MYOM2: variants seen among roughly 807,000 people sequenced by gnomAD.
The protein encoded by MYOM2 is myomesin-2.
Under a neutral mutation model 187.6 loss-of-function variants are expected in MYOM2, and 254 were observed. The observed-to-expected ratio is 1.35, with a 90% CI of 1.22 to 1.50. The LOEUF (loss-of-function observed/expected upper bound fraction) is 1.50, where lower values mean the gene tolerates loss of function less well. MYOM2 is among the 40% of genes most tolerant of loss of function. The pLI is 0.00. For missense variants in MYOM2, 2,796 were observed against 1,924.0 expected, an observed-to-expected ratio of 1.45 and a Z score of -8.48; for synonymous variants, 981 against 753.8, an observed-to-expected ratio of 1.30 and a Z score of -4.94.
chr8:2,071,504 C>T (rs998082818), intron 8 of MYOM2, among the ~76,000 whole-genome samples: 21 of 152,190 alleles, frequency 1.4e-4, no homozygotes, highest in African/African-American at 5.1e-4. Context: ...CAAATACCAC[C>T]GTTTGTTTTG....
Position 2,106,617 on chromosome 8 carries a change from A to C in MYOM2, c.2998+20A>C. On this transcript the variant is annotated intron_variant, in intron 23 of 36. Coordinates refer to ENST00000262113, the MANE Select transcript of MYOM2 (RefSeq NM_003970.4). ...CAGAAGGTAATATTTATATGGCAGAACCTTGCCTGTTTTGGTTTTATCACA... is the reference window on the plus strand; with the variant it reads ...CAGAAGGTAATATTTATATGGCAGACCCTTGCCTGTTTTGGTTTTATCACA... The C allele has an allele frequency of 6.5e-7, 1 of 1,541,520 alleles. No individual in the cohort carries two copies. The highest frequency in any genetic ancestry group is 8.9e-7 in the Non-Finnish European group (1 of 1,127,082).
chr8:2,101,075 G>A, intron 20 of MYOM2, 21 bp downstream of exon 20: 1 of 1,612,352 alleles, frequency 6.2e-7, no homozygotes, highest in Non-Finnish European at 8.5e-7. Flanking sequence ...GCCGGCTGTG[G>A]TGGCTCATGC....
At chr8:2,140,969 T>C (rs1798254757) in intron 33 of MYOM2, 83 bp downstream of exon 33, 21 of 1,402,392 alleles carry the variant, frequency 1.5e-5, no homozygotes, top group Middle Eastern at 4.4e-4. Flanking sequence ...ACAATATGAA[T>C]ACAAGAGACA....
intron 15 of MYOM2, among the ~76,000 whole-genome samples, 166 bp from the exon 16 acceptor site, chr8:2,092,180 G>A (rs895865894): frequency 8.6e-5 from 13 of 151,884 alleles, no homozygotes; most frequent in Non-Finnish European, 1.9e-4. Context: ...TGGCCCTCGG[G>A]TGGTCGGCCC....
intron 31 of MYOM2, among the ~76,000 whole-genome samples, chr8:2,127,550 G>A (rs1353020227): frequency 6.6e-6 from 1 of 152,256 alleles, no homozygotes; most frequent in Admixed American, 6.5e-5. Flanking sequence ...CGGGGTTTAG[G>A]GAGGTGTGGA....
At chr8:2,092,933 G>C (rs562091332) in intron 16 of MYOM2, among the ~76,000 whole-genome samples, 29 of 152,246 alleles carry the variant, frequency 1.9e-4, no homozygotes, top group Admixed American at 5.2e-4. Context: ...ACCTGATGGA[G>C]ACCCCACCGG....
At chr8:2,142,600 C>T (rs1188471209) in intron 35 of MYOM2, among the ~76,000 whole-genome samples, 1 of 152,042 alleles carries the variant, frequency 6.6e-6, no homozygotes, top group South Asian at 2.1e-4. Flanking sequence ...GGCCTTAGCC[C>T]CGTCACCCCT....
At chr8:2,054,041 T>C (rs1818577820) in intron 3 of MYOM2, among the ~76,000 whole-genome samples, 1 of 152,218 alleles carries the variant, frequency 6.6e-6, no homozygotes, top group South Asian at 2.1e-4. Context: ...GTGAGCCCCG[T>C]GCTGAGTGAT....
At chr8:2,078,987 G>T in intron 12 of MYOM2, 54 bp downstream of exon 12, 1 of 1,566,208 alleles carries the variant, frequency 6.4e-7, no homozygotes, top group Non-Finnish European at 8.8e-7. Flanking sequence ...TGGCTGTTTT[G>T]TGTGTGATTT....
At chr8:2,093,468 G>A (rs970883542) in intron 16 of MYOM2, among the ~76,000 whole-genome samples, 4 of 152,122 alleles carry the variant, frequency 2.6e-5, no homozygotes, top group African/African-American at 7.2e-5. Context: ...GCTGTGGGGT[G>A]GGAATTATCA....
intron 25 of MYOM2, among the ~76,000 whole-genome samples, chr8:2,109,944 C>T (rs550683929): frequency 9.4e-4 from 143 of 152,258 alleles, no homozygotes; most frequent in African/African-American, 3.3e-3. Context: ...GGAAGGCATC[C>T]GTGGGGAATA....
intron 23 of MYOM2, 35 bp from the exon 24 acceptor site, chr8:2,108,751 T>C: frequency 6.2e-7 from 1 of 1,612,168 alleles, no homozygotes; most frequent in South Asian, 1.1e-5. Context: ...TAGGTGCAGG[T>C]CCAGATGAAT....
intron 3 of MYOM2, 84 bp downstream of exon 3, chr8:2,052,397 C>G: frequency 7.1e-7 from 1 of 1,401,868 alleles, no homozygotes; most frequent in Non-Finnish European, 9.4e-7. Flanking sequence ...GGAAGAGCGA[C>G]CTTAGCTGAG....
intron 23 of MYOM2, among the ~76,000 whole-genome samples, chr8:2,108,288 C>CT (rs35483575): frequency 9.8e-4 from 141 of 144,096 alleles, no homozygotes; most frequent in East Asian, 2.4e-3. Flanking sequence ...TTCTTCTTTC[C>CT]TTTTTTTTTT....
At chr8:2,070,357 G>A (rs1237117511) in intron 8 of MYOM2, among the ~76,000 whole-genome samples, 1 of 152,246 alleles carries the variant, frequency 6.6e-6, no homozygotes, top group Non-Finnish European at 1.5e-5. Flanking sequence ...CCTCCTGGCA[G>A]CTGCTGGCCG....
intron 2 of MYOM2, among the ~76,000 whole-genome samples, chr8:2,051,848 G>C (rs73184802): frequency 0.035 from 5,278 of 152,250 alleles, 150 homozygotes; most frequent in Middle Eastern, 0.078. Flanking sequence ...GTGTAGGTTT[G>C]TTTATGTGTG....
At chr8:2,108,973 T>C in intron 24 of MYOM2, 143 bp downstream of exon 24, 1 of 793,076 alleles carries the variant, frequency 1.3e-6, no homozygotes, top group Non-Finnish European at 2.0e-6. Flanking sequence ...TTGAAACCTA[T>C]TGATTTAAAA....
intron 6 of MYOM2, among the ~76,000 whole-genome samples, chr8:2,064,898 C>G (rs943439738): frequency 6.6e-6 from 1 of 152,196 alleles, no homozygotes; most frequent in Non-Finnish European, 1.5e-5. Flanking sequence ...TGTGAAACAG[C>G]AATTCATTGC....
At chr8:2,052,953 C>T (rs995588867) in intron 3 of MYOM2, among the ~76,000 whole-genome samples, 3 of 152,172 alleles carry the variant, frequency 2.0e-5, no homozygotes, top group African/African-American at 7.2e-5. Flanking sequence ...AATAAAAATG[C>T]CAGTCTTAAA....
Sources: gnomAD v4.1 joint callset for allele counts (sites outside exome capture counted in the v4.1 genomes callset) on GRCh38, gnomAD v4.1.1 for gene constraint, MANE v1.5 for transcripts, NCBI Gene and HGNC (gene_info 2026-07-23, HGNC 2026-07-21) for gene names.